Variants in ACACB observed in about 807,000 individuals in gnomAD.
The protein encoded by ACACB is acetyl-CoA carboxylase beta, also known as acetyl-CoA carboxylase 2.
Under a neutral mutation model 278.8 loss-of-function variants are expected in ACACB, and 209 were observed. The ratio of observed to expected loss-of-function variants is 0.75; its 90% confidence interval spans 0.67 to 0.84. ACACB has a LOEUF of 0.84. Among genes scored for constraint, ACACB ranks in the 40% least tolerant of loss-of-function variants. ACACB has a pLI of 0.00. For synonymous variants in ACACB, 1,174 were observed against 1,285.6 expected (o/e 0.91, Z 1.86); for missense variants, 2,850 against 3,269.0 (o/e 0.87, Z 3.13).
chr12:109,180,060 T>C lies in ACACB; in HGVS notation c.1791T>C (p.Asp597=), dbSNP rs11065772. The C allele has an allele frequency of 0.8, 1,287,359 of 1,611,896 alleles. 518,850 individuals carry two copies. Among genetic ancestry groups the C allele is most frequent in the Middle Eastern group, 0.83 (4,007 of 4,800 alleles). ...ATCCCTGCACAGAAATGATTGCTGA[T>C]GTTAATCTGCCGGCCGCCCAGCTAC... ...VEHPCTEMIA[D]VNLPAAQLQI... The change falls in exon 11 of 53, where the codon GAT becomes GAC. Residue 597 remains aspartate (D), a synonymous_variant. Transcript: ENST00000338432.
chr12:109,238,011 C>CAAAAAAAAAAAAAAAAAAAAAAAAAAAAA (rs538671568), intron 34 of ACACB, among the ~76,000 whole-genome samples: 1 of 61,348 alleles, frequency 1.6e-5, no homozygotes, highest in Non-Finnish European at 3.5e-5. Flanking sequence ...GACCCTATCA[C>CAAAAAAAAAAAAAAAAAAAAAAAAAAAAA]AAAAAAAAAA....
chr12:109,157,729 C>T (rs182236918), intron 2 of ACACB, among the ~76,000 whole-genome samples: 5 of 152,266 alleles, frequency 3.3e-5, no homozygotes, highest in East Asian at 1.9e-4. Context: ...GCTGAAGGCT[C>T]GGGCCATCTA....
chr12:109,139,800 G>A lies in ACACB; in HGVS notation c.395G>A (p.Gly132Asp). 6.2e-7 allele frequency: 1 copy of A among 1,614,188 alleles called. No individual in the cohort carries two copies. The highest frequency in any genetic ancestry group is 8.5e-7 in the Non-Finnish European group (1 of 1,180,040). The change falls in exon 2 of 53, where the codon GGC becomes GAC. Residue 132 changes from glycine to aspartate, a missense_variant. Gly to Asp is a moderately conservative substitution (Grantham distance 94). Coordinates refer to ENST00000338432, the MANE Select transcript of ACACB (RefSeq NM_001093.4). ...TQGLEATDTN[G>D]LSSSARPQGQ... ...GGTCTGGAGGCCACAGATACCAATG[G>A]CCTGTCCTCCTCAGCCAGGCCCCAG...
At chr12:109,191,212 C>CCTGTGCTTTTCTT (rs148687901) in intron 13 of ACACB, among the ~76,000 whole-genome samples, 13 of 115,046 alleles carry the variant, frequency 1.1e-4, no homozygotes, top group African/African-American at 2.9e-4. Flanking sequence ...TCTCTTAACT[C>CCTGTGCTTTTCTT]TTCTTTTTTT....
At chr12:109,261,429 T>C (rs1311629509) in intron 48 of ACACB, among the ~76,000 whole-genome samples, 1 of 152,144 alleles carries the variant, frequency 6.6e-6, no homozygotes, top group East Asian at 1.9e-4. Flanking sequence ...CCAGGAAGAC[T>C]CAGGATACTG....
chr12:109,156,643 C>G (rs905478468), intron 2 of ACACB, among the ~76,000 whole-genome samples: 10 of 150,882 alleles, frequency 6.6e-5, no homozygotes, highest in African/African-American at 2.4e-4. Flanking sequence ...GAGGAATACC[C>G]CTGTAGCTGA....
chr12:109,144,836 A>G (rs1164207851), intron 2 of ACACB, among the ~76,000 whole-genome samples: 1 of 136,990 alleles, frequency 7.3e-6, no homozygotes. Context: ...ATCTCGGCTC[A>G]CTGCAACCTC....
At chr12:109,126,976 G>A (rs1353983639) in intron 1 of ACACB, among the ~76,000 whole-genome samples, 1 of 152,160 alleles carries the variant, frequency 6.6e-6, no homozygotes, top group East Asian at 1.9e-4. Flanking sequence ...TTTGGGATTT[G>A]GCACAAAACC....
chr12:109,168,097 C>T (rs2043982433), intron 4 of ACACB, 63 bp downstream of exon 4: 2 of 1,540,884 alleles, frequency 1.3e-6, no homozygotes, highest in Non-Finnish European at 1.8e-6. Flanking sequence ...CGCCTCCTTC[C>T]CCTGTGCCTA....
At chr12:109,117,147 G>A (rs1461857053) in intron 1 of ACACB, among the ~76,000 whole-genome samples, 1 of 149,460 alleles carries the variant, frequency 6.7e-6, no homozygotes, top group Non-Finnish European at 1.5e-5. Flanking sequence ...ATCACTTGAG[G>A]TCAGGAGTTC....
chr12:109,210,869 G>A (rs1175311167), intron 21 of ACACB, among the ~76,000 whole-genome samples: 2 of 148,076 alleles, frequency 1.4e-5, no homozygotes, highest in African/African-American at 2.5e-5. Flanking sequence ...AGCCGAGATC[G>A]CACCACTGTG....
At chr12:109,194,351 A>G (rs543351143) in intron 16 of ACACB, among the ~76,000 whole-genome samples, 62 of 152,180 alleles carry the variant, frequency 4.1e-4, no homozygotes, top group African/African-American at 1.4e-3. Flanking sequence ...ATATGCCACC[A>G]TGCCTGGCTA....
intron 1 of ACACB, among the ~76,000 whole-genome samples, chr12:109,131,923 C>T (rs544871354): frequency 2.0e-5 from 3 of 152,230 alleles, no homozygotes; most frequent in East Asian, 1.9e-4. Flanking sequence ...CGTCTGGCAC[C>T]GTTAGTTTGC....
intron 45 of ACACB, 61 bp from the exon 46 acceptor site, chr12:109,258,207 A>T: frequency 7.6e-7 from 1 of 1,307,864 alleles, no homozygotes; most frequent in Non-Finnish European, 1.1e-6. Context: ...CCACACCCAG[A>T]GGTCCCCAAA....
At chr12:109,148,721 A>G (rs181894355) in intron 2 of ACACB, among the ~76,000 whole-genome samples, 303 of 152,300 alleles carry the variant, frequency 2.0e-3, no homozygotes, top group Non-Finnish European at 3.4e-3. Flanking sequence ...ACTATATATA[A>G]CATGCTTAGA....
chr12:109,123,916 T>A (rs1462574801), intron 1 of ACACB, among the ~76,000 whole-genome samples: 1 of 151,800 alleles, frequency 6.6e-6, no homozygotes, highest in Non-Finnish European at 1.5e-5. Flanking sequence ...CTTGAACTCC[T>A]GGGCTCAAGC....
chr12:109,265,356 C>A, intron 51 of ACACB, 33 bp from the exon 52 acceptor site: 3 of 1,611,790 alleles, frequency 1.9e-6, no homozygotes, highest in Non-Finnish European at 2.5e-6. Context: ...ACAGCTGGGT[C>A]CCTCTCTGAG....
intron 1 of ACACB, among the ~76,000 whole-genome samples, chr12:109,132,804 C>T (rs190000566): frequency 2.6e-5 from 4 of 152,198 alleles, no homozygotes; most frequent in Admixed American, 6.5e-5. Context: ...ATGTAGGTAA[C>T]CCTGGCAAGG....
intron 16 of ACACB, among the ~76,000 whole-genome samples, chr12:109,195,480 A>G (rs1279073735): frequency 6.6e-6 from 1 of 152,158 alleles, no homozygotes; most frequent in African/African-American, 2.4e-5. Flanking sequence ...GCTGCCCCCA[A>G]CTTGATTTTA....
Sources: allele counts gnomAD v4.1 joint callset (sites outside exome capture counted in the v4.1 genomes callset), GRCh38; gene constraint gnomAD v4.1.1; transcripts MANE v1.5; gene names NCBI Gene and HGNC (gene_info 2026-07-23, HGNC 2026-07-21).